Variants in TMEM63A observed in about 807,000 individuals in gnomAD.
TMEM63A encodes the protein mechanosensitive cation channel TMEM63A.
Under a neutral mutation model 100.6 loss-of-function variants are expected in TMEM63A, and 76 were observed. That is an observed-to-expected ratio of 0.76 (90% CI 0.63 to 0.91). The LOEUF (loss-of-function observed/expected upper bound fraction) is 0.91. Ranked by LOEUF, TMEM63A falls within the 40% of genes least tolerant of loss-of-function variation. The pLI, the probability that TMEM63A is intolerant of heterozygous loss-of-function variation, is 0.00. For synonymous variants in TMEM63A, 401 were observed against 401.1 expected (o/e 1.00, Z 0.00); for missense variants, 876 against 1,008.8 (o/e 0.87, Z 1.78).
rs1669483135 is a variant in TMEM63A, at chr1:225,853,917, AT to A, written c.1635-127del. Reference sequence around the variant, plus strand: ...GTATACTCTTCCGTTCATTCAGCACATATTTGGGAAACACATCTGTGTGCCA... The same window carrying A: ...GTATACTCTTCCGTTCATTCAGCACAATTTGGGAAACACATCTGTGTGCCA... On this transcript the variant is annotated intron_variant, in intron 18 of 24. Coordinates refer to ENST00000366835, the MANE Select transcript of TMEM63A (RefSeq NM_014698.3). This position sits in a 1 kb window ranked among gnomAD's most constrained non-coding sequence, Gnocchi z 4.0. The A allele has an allele frequency of 1.1e-6, 1 of 942,406 alleles. No homozygotes were observed. The highest frequency in any genetic ancestry group is 1.5e-6 in the Non-Finnish European group (1 of 659,240). 58.4% of individuals were successfully genotyped at this position (942,406 alleles called of 1,614,324 possible).
rs1268365638 is a variant in TMEM63A, at chr1:225,867,979, G to A, written c.423C>T (p.Ser141=). The stretch of plus-strand genomic sequence containing the variant: ...ACAGGAAGATGATGTGCCTCTGGAA[G>A]GACAGGTAGTGGATGGCGTCCTCCC... The part of the protein sequence containing the change: ...WCGEDAIHYL[S]FQRHIIFLLV... The change falls in exon 7 of 25, where the codon TCC becomes TCT. Residue 141 remains serine, a synonymous_variant. Transcript: ENST00000366835. The surrounding 1 kb of genome is among the most constrained non-coding windows in gnomAD (Gnocchi z 4.6). 7 of 1,614,186 alleles carry A rather than the reference G, an allele frequency of 4.3e-6. No homozygotes were observed. The highest frequency in any genetic ancestry group is 5.9e-6 in the Non-Finnish European group (7 of 1,180,032).
At position 225,865,481 on chromosome 1, in the gene TMEM63A, GCCCCGAGGTCCTTCCACCTGTGAGACC is replaced by G. The variant is rs1670156057; in HGVS notation, c.746+389_746+415del. 6.1e-6 allele frequency: 1 copy of G among 163,420 alleles called. No individual in the cohort carries two copies. Among genetic ancestry groups the G allele is most frequent in the Non-Finnish European group, 1.3e-5 (1 of 74,088 alleles). 10.1% of individuals were successfully genotyped at this position (163,420 alleles called of 1,614,324 possible). A position where few individuals can be genotyped will look rare whatever the true frequency, so the allele number is the denominator to read the frequency against. ...GGACAAACGAACAAACGCAGAGATG[GCCCCGAGGTCCTTCCACCTGTGAGACC>G]CTAGCCCTGTGGGTCCATACAAATG... On this transcript the variant is annotated intron_variant, in intron 10 of 24. Coordinates refer to ENST00000366835, the MANE Select transcript of TMEM63A (RefSeq NM_014698.3). This position sits in a 1 kb window ranked among gnomAD's most constrained non-coding sequence, Gnocchi z 4.6.
At chr1:225,843,196 T>C (rs1425288310), downstream of TMEM63A, among the ~76,000 whole-genome samples, 1 of 141,260 alleles carries the variant, frequency 7.1e-6, no homozygotes, top group Admixed American at 7.1e-5. Context: ...ACTGTGAGAG[T>C]CCAGTGGAAG....
chr1:225,856,516 C>G (rs146650677), intron 17 of TMEM63A, 136 bp downstream of exon 17: 47 of 778,672 alleles, frequency 6.0e-5, no homozygotes, highest in Non-Finnish European at 9.3e-5. Flanking sequence ...CCCTACTGCA[C>G]GCCGAGTGGT....
intron 4 of TMEM63A, among the ~76,000 whole-genome samples, chr1:225,872,753 G>A (rs1253231255): frequency 2.7e-5 from 4 of 148,162 alleles, no homozygotes; most frequent in Non-Finnish European, 5.9e-5. Context: ...GAAGTGCAGT[G>A]GGGTGATCTT....
chr1:225,842,447 G>A (rs1451067258), downstream of TMEM63A: 13 of 1,613,864 alleles, frequency 8.1e-6, no homozygotes, highest in East Asian at 4.5e-5. Context: ...ACGGAATTCC[G>A]ATACCTGGAG....
chr1:225,865,860 G>A lies in TMEM63A; in HGVS notation c.746+37C>T. On this transcript the variant is annotated intron_variant, in intron 10 of 24. Coordinates refer to ENST00000366835, the MANE Select transcript of TMEM63A (RefSeq NM_014698.3). This position sits in a 1 kb window ranked among gnomAD's most constrained non-coding sequence, Gnocchi z 4.6. The stretch of plus-strand genomic sequence containing the variant: ...GGTGGGGCTGTGTTGGTCCTACGTG[G>A]AGGGGGCTCAGCTCCCCTCCCACCC... 4 of 1,609,348 alleles carry A rather than the reference G, an allele frequency of 2.5e-6. No individual in the cohort carries two copies. Among genetic ancestry groups the A allele is most frequent in the Non-Finnish European group, 3.4e-6 (4 of 1,177,056 alleles).
chr1:225,842,507 C>A, downstream of TMEM63A: 1 of 1,498,392 alleles, frequency 6.7e-7, no homozygotes, highest in Non-Finnish European at 9.3e-7. Flanking sequence ...CAGTCATGAC[C>A]CTGGTCCCAG....
chr1:225,854,143 TGCAGAAATG>T (rs1669494916), intron 18 of TMEM63A, among the ~76,000 whole-genome samples: 1 of 36,628 alleles, frequency 2.7e-5, no homozygotes, highest in Non-Finnish European at 1.1e-4. Context: ...GTGATATTCG[TGCAGAAATG>T]TGAAGAGGTG....
At chr1:225,843,597 C>A (rs1207634834), downstream of TMEM63A, among the ~76,000 whole-genome samples, 1 of 152,160 alleles carries the variant, frequency 6.6e-6, no homozygotes, top group Non-Finnish European at 1.5e-5. Flanking sequence ...TGTGAGGCCC[C>A]ACCAGACTAT....
At chr1:225,860,712 C>T (rs964659046) in intron 14 of TMEM63A, 148 bp downstream of exon 14, 11 of 998,612 alleles carry the variant, frequency 1.1e-5, no homozygotes, top group South Asian at 4.8e-5. Flanking sequence ...TGGGCCACAC[C>T]GAGCACATCA....
Position 225,859,272 on chromosome 1 carries a change from A to C in TMEM63A, c.1301T>G (p.Phe434Cys). 1 of 1,614,076 alleles carries C rather than the reference A, an allele frequency of 6.2e-7. No homozygotes were observed. Among genetic ancestry groups the C allele is most frequent in the Non-Finnish European group, 8.5e-7 (1 of 1,180,020 alleles). ...GINFTLFLGL[F>C]FLTTPSIILS... is the part of the protein sequence containing the mutation. Reference sequence around the variant, plus strand: ...GATGATGGAGGGTGTGGTCAGGAAAAATAGCCCCAGGAAGAGGGTGAAGTT... The same window carrying C: ...GATGATGGAGGGTGTGGTCAGGAAACATAGCCCCAGGAAGAGGGTGAAGTT... The change falls in exon 15 of 25, where the codon TTT becomes TGT. Residue 434 changes from phenylalanine (F) to cysteine (C), a missense_variant. Coordinates refer to ENST00000366835, the MANE Select transcript of TMEM63A (RefSeq NM_014698.3).
At chr1:225,851,961 G>T (rs1055235296) in intron 20 of TMEM63A, among the ~76,000 whole-genome samples, 1 of 152,260 alleles carries the variant, frequency 6.6e-6, no homozygotes, top group Admixed American at 6.5e-5. Context: ...TGTGAAGGGG[G>T]AATAGAAACA....
At chr1:225,874,577 G>A (rs1028892890) in intron 3 of TMEM63A, among the ~76,000 whole-genome samples, 4 of 152,208 alleles carry the variant, frequency 2.6e-5, no homozygotes, top group African/African-American at 9.6e-5. Flanking sequence ...CCTGTCACCT[G>A]TGCCCACGCC....
chr1:225,853,552 G>A lies in TMEM63A; in HGVS notation c.1797+77C>T. ...GCTACCCACTAGTGGGGGTAGTGGG[G>A]GTGAGAGGCCCTCGGGTCAGTGAAG... On this transcript the variant is annotated intron_variant, in intron 19 of 24. Transcript: ENST00000366835. The surrounding 1 kb of genome is among the most constrained non-coding windows in gnomAD (Gnocchi z 4.0). 7.2e-7 allele frequency: 1 copy of A among 1,393,004 alleles called. No individual in the cohort carries two copies. 86.3% of individuals were successfully genotyped at this position (1,393,004 alleles called of 1,614,324 possible).
chr1:225,877,160 C>T (rs1670845793), intron 3 of TMEM63A, among the ~76,000 whole-genome samples: 1 of 152,200 alleles, frequency 6.6e-6, no homozygotes, highest in African/African-American at 2.4e-5. Flanking sequence ...GTATTCTGGC[C>T]TTATCCAAAT....
chr1:225,861,120 G>C lies in TMEM63A; in HGVS notation c.1086-123C>G. On this transcript the variant is annotated intron_variant, in intron 13 of 24. Transcript: ENST00000366835. The stretch of plus-strand genomic sequence containing the variant: ...TAGGACCTTTGCTTTGTTGTGATTA[G>C]TGTATTATGAGTAACGCTATGTAAG... 2.6e-6 allele frequency: 3 copies of C among 1,158,818 alleles called. No individual in the cohort carries two copies. In the South Asian group the frequency reaches 5.1e-5, roughly 20 times the overall value. The allele number at this position is 1,158,818 out of a possible 1,614,324, so 71.8% of individuals were successfully genotyped here.
chr1:225,863,557 C>A lies in TMEM63A; in HGVS notation c.747-706G>T, dbSNP rs1670049602. Among the ~76,000 whole-genome samples, 2 of 152,140 alleles carry A rather than the reference C, an allele frequency of 1.3e-5. 1 individual carries two copies. Among genetic ancestry groups the A allele is most frequent in the South Asian group, 4.1e-4 (2 of 4,830 alleles). ...ATTCAGGTAGCCTTTTTTAAGGTCA[C>A]AGACCTTTCAGAGGGTCTAATGAAA... On this transcript the variant is annotated intron_variant, in intron 10 of 24. Transcript: ENST00000366835.
At chr1:225,840,829 A>T (rs1338954163), downstream of TMEM63A, 1 of 152,286 alleles carries the variant, frequency 6.6e-6, no homozygotes, top group Non-Finnish European at 1.5e-5. Flanking sequence ...GCCCATCTCA[A>T]AGTTCTTCAT....
Sources: gnomAD v4.1 joint callset for allele counts (sites outside exome capture counted in the v4.1 genomes callset) on GRCh38, gnomAD v4.1.1 for gene constraint, Gnocchi (gnomAD v3.1) non-coding constraint, MANE v1.5 for transcripts, NCBI Gene and HGNC (gene_info 2026-07-23, HGNC 2026-07-21) for gene names.